The following EDARADD variants were observed in gnomAD, a reference collection of about 807,000 sequenced individuals.
EDARADD encodes EDAR associated via death domain, also known as ectodysplasin-A receptor-associated adapter protein.
A neutral mutation model predicts 25.6 loss-of-function variants in EDARADD; 20 were observed. The observed-to-expected ratio is 0.78, with a 90% CI of 0.55 to 1.14. EDARADD has a LOEUF of 1.14. EDARADD is among the 50% of genes most tolerant of loss of function. The pLI is 0.00. For synonymous variants in EDARADD, 86 were observed against 94.4 expected (o/e 0.91, Z 0.52); for missense variants, 225 against 270.1 (o/e 0.83, Z 1.17).
intron 4 of EDARADD, among the ~76,000 whole-genome samples, chr1:236,452,021 C>T (rs1658726075): frequency 6.6e-6 from 1 of 152,210 alleles, no homozygotes; most frequent in Non-Finnish European, 1.5e-5. Context: ...CCCCACTGTG[C>T]CATCATCCAG....
intron 3 of EDARADD, among the ~76,000 whole-genome samples, chr1:236,368,189 A>G (rs986440588): frequency 1.3e-5 from 2 of 152,174 alleles, no homozygotes; most frequent in Admixed American, 1.3e-4. Flanking sequence ...TATACCTCCA[A>G]AAAGTCATAA....
intron 5 of EDARADD, among the ~76,000 whole-genome samples, chr1:236,472,019 T>C (rs1021650616): frequency 1.4e-5 from 2 of 144,242 alleles, no homozygotes; most frequent in African/African-American, 5.2e-5. Context: ...ACATTCACTA[T>C]TTTTTTTTAC....
chr1:236,396,421 T>C (rs1052540609), intron 1 of EDARADD, among the ~76,000 whole-genome samples: 3 of 152,164 alleles, frequency 2.0e-5, no homozygotes, highest in Non-Finnish European at 4.4e-5. Flanking sequence ...TCCCTCAGAG[T>C]ACACTGGGGC....
At chr1:236,402,406 A>G (rs992042220) in intron 1 of EDARADD, among the ~76,000 whole-genome samples, 1 of 152,164 alleles carries the variant, frequency 6.6e-6, no homozygotes, top group African/African-American at 2.4e-5. Flanking sequence ...AAAAATAAAA[A>G]TAAATTAGCC....
At chr1:236,429,902 G>A (rs1043891706) in intron 4 of EDARADD, among the ~76,000 whole-genome samples, 4 of 152,142 alleles carry the variant, frequency 2.6e-5, no homozygotes, top group Non-Finnish European at 5.9e-5. Flanking sequence ...TATCTCAAAG[G>A]CATGTTTTGC....
Position 236,362,906 on chromosome 1 carries a change from C to T in EDARADD, c.-6+12067C>T, listed in dbSNP as rs183896487. On this transcript the variant is annotated intron_variant, in intron 3 of 7. Transcript: ENST00000439430. ...GTGGGCTGGTTGCAGTGGCTCATGC[C>T]TGTAATCCCAGCATTTTGGGAAGCT... Among the ~76,000 whole-genome samples the T allele has an allele frequency of 6.7e-4, 98 of 145,898 alleles. 2 individuals carry two copies. Among genetic ancestry groups the T allele is most frequent in the African/African-American group, 2.3e-3 (91 of 39,350 alleles).
chr1:236,468,140 T>G, intron 4 of EDARADD, 91 bp from the exon 5 acceptor site: 3 of 1,305,912 alleles, frequency 2.3e-6, no homozygotes, highest in Non-Finnish European at 2.2e-6. Flanking sequence ...CCCCCAGGGT[T>G]TTGGTGGAAA....
At chr1:236,436,834 T>A (rs184480004) in intron 4 of EDARADD, among the ~76,000 whole-genome samples, 3 of 152,242 alleles carry the variant, frequency 2.0e-5, no homozygotes, top group Admixed American at 2.0e-4. Context: ...AGCAGAGTTA[T>A]TAGGGGGCTA....
intron 4 of EDARADD, among the ~76,000 whole-genome samples, chr1:236,459,907 C>T (rs1260963393): frequency 6.6e-6 from 1 of 152,268 alleles, no homozygotes; most frequent in East Asian, 1.9e-4. Flanking sequence ...CCGGCCTTAG[C>T]TCTTTTATCC....
chr1:236,455,938 C>T (rs760663644), intron 4 of EDARADD, among the ~76,000 whole-genome samples: 14 of 152,264 alleles, frequency 9.2e-5, no homozygotes, highest in South Asian at 2.1e-4. Context: ...TACAGGCGCC[C>T]GCCACCACGT....
At chr1:236,396,287 TTC>T (rs1273095483) in intron 1 of EDARADD, among the ~76,000 whole-genome samples, 1 of 152,158 alleles carries the variant, frequency 6.6e-6, no homozygotes, top group Non-Finnish European at 1.5e-5. Flanking sequence ...TTTTTCTCTA[TTC>T]TCTCACGTGA....
rs1553268416 is a variant in EDARADD at position 236,445,237 on chromosome 1, T to TTTTTTTTGTTGTTG, written c.219+17794_219+17795insGTTGTTGTTTTTTT. 1.2e-3 allele frequency among the ~76,000 whole-genome samples: 133 copies of TTTTTTTTGTTGTTG among 109,604 alleles called. 21 individuals carry two copies. The highest frequency in any genetic ancestry group is 4.7e-3 in the Middle Eastern group (1 of 212). 71.9% of individuals were successfully genotyped at this position (109,604 alleles called of 152,430 possible). ...ATTAGCTGGGACATAATAAATTCTT[T>TTTTTTTTGTTGTTG]TTTTTTTTGAGACAGAGTCTTGCTC... On this transcript the variant is annotated intron_variant, in intron 4 of 5. Coordinates refer to ENST00000334232, the MANE Select transcript of EDARADD (RefSeq NM_145861.4).
intron 4 of EDARADD, among the ~76,000 whole-genome samples, chr1:236,447,233 C>CT (rs59368020): frequency 5.7e-5 from 6 of 104,624 alleles, no homozygotes; most frequent in African/African-American, 2.5e-4. Flanking sequence ...TCCTTTCTTT[C>CT]CTTTCTTTCC....
chr1:236,462,267 T>C (rs1659058336), intron 4 of EDARADD, among the ~76,000 whole-genome samples: 1 of 152,158 alleles, frequency 6.6e-6, no homozygotes, highest in East Asian at 1.9e-4. Context: ...TTGGGTCTTT[T>C]GGGGAAAACG....
chr1:236,366,120 G>C (rs2102992488), intron 3 of EDARADD, among the ~76,000 whole-genome samples: 1 of 152,272 alleles, frequency 6.6e-6, no homozygotes, highest in East Asian at 1.9e-4. Flanking sequence ...CTCTCATTAT[G>C]GGTCATATTT....
Position 236,438,263 on chromosome 1 carries a change from G to T in EDARADD, c.219+10813G>T, listed in dbSNP as rs147030496. On this transcript the variant is annotated intron_variant, in intron 4 of 5. Coordinates refer to ENST00000334232, the MANE Select transcript of EDARADD (RefSeq NM_145861.4). Reference sequence around the variant, plus strand: ...ACAGTCACATTCCAAGGTACTGAGGGTTAGGATTCCAACATGGGAATTGTG... The same window carrying T: ...ACAGTCACATTCCAAGGTACTGAGGTTTAGGATTCCAACATGGGAATTGTG... Among the ~76,000 whole-genome samples the T allele has an allele frequency of 6.8e-3, 1,035 of 152,340 alleles. 3 individuals are homozygous for T. Among genetic ancestry groups the T allele is most frequent in the South Asian group, 0.018 (87 of 4,828 alleles).
intron 3 of EDARADD, among the ~76,000 whole-genome samples, chr1:236,359,125 T>A (rs193236660): frequency 6.6e-6 from 1 of 152,296 alleles, no homozygotes; most frequent in East Asian, 1.9e-4. Flanking sequence ...ATTCTCCACA[T>A]CTTTTTGGAA....
intron 3 of EDARADD, among the ~76,000 whole-genome samples, chr1:236,418,924 C>CA (rs1657711160): frequency 6.6e-6 from 1 of 152,184 alleles, no homozygotes; most frequent in Admixed American, 6.5e-5. Flanking sequence ...CAAGCCTTGA[C>CA]AGAGACCCTC....
chr1:236,443,446 A>C (rs1279102075), intron 4 of EDARADD, among the ~76,000 whole-genome samples: 2 of 152,254 alleles, frequency 1.3e-5, no homozygotes, highest in Non-Finnish European at 2.9e-5. Flanking sequence ...AGAGGAGATC[A>C]AAATATCAAC....
Sources: gnomAD v4.1 joint callset for allele counts (sites outside exome capture counted in the v4.1 genomes callset) on GRCh38, gnomAD v4.1.1 for gene constraint, MANE v1.5 for transcripts, NCBI Gene and HGNC (gene_info 2026-07-23, HGNC 2026-07-21) for gene names.